USH2A: variants seen among roughly 807,000 people sequenced by gnomAD.
USH2A encodes usherin, also known as Usher syndrome 2A (autosomal recessive, mild).
In USH2A, 443 loss-of-function variants were observed where a neutral mutation model predicts 538.9. That is an observed-to-expected ratio of 0.82 (90% CI 0.76 to 0.89). USH2A has a LOEUF of 0.89. Among genes scored for constraint, USH2A ranks in the 40% least tolerant of loss-of-function variants. The probability of loss-of-function intolerance (pLI) is 0.00; values close to 1 mark genes in which losing one functional copy is unlikely to be tolerated. For synonymous variants in USH2A, 2,413 were observed against 2,273.5 expected (o/e 1.06, Z -1.75); for missense variants, 6,633 against 6,324.8 (o/e 1.05, Z -1.65).
At chr1:216,260,285 C>T (rs1370177792) in intron 11 of USH2A, among the ~76,000 whole-genome samples, 1 of 152,064 alleles carries the variant, frequency 6.6e-6, no homozygotes, top group East Asian at 1.9e-4. Context: ...GAAGTTACAG[C>T]TTGAGTGCTA....
intron 32 of USH2A, among the ~76,000 whole-genome samples, chr1:216,001,362 AG>A (rs921799741): frequency 1.3e-5 from 2 of 152,130 alleles, no homozygotes; most frequent in African/African-American, 2.4e-5. Context: ...CCATGAGACT[AG>A]GGTAGTGCCC....
At chr1:216,236,409 G>A (rs946132955) in intron 13 of USH2A, among the ~76,000 whole-genome samples, 2 of 152,018 alleles carry the variant, frequency 1.3e-5, no homozygotes, top group South Asian at 2.1e-4. Flanking sequence ...TTACATGTGA[G>A]TCAGTTTCCC....
At chr1:216,310,226 C>CT (rs1208424743) in intron 9 of USH2A, among the ~76,000 whole-genome samples, 1 of 151,946 alleles carries the variant, frequency 6.6e-6, no homozygotes, top group Non-Finnish European at 1.5e-5. Flanking sequence ...TTTCTATATA[C>CT]TTTTTACCTT....
chr1:216,117,036 C>A (rs1159260551), intron 21 of USH2A, among the ~76,000 whole-genome samples: 1 of 152,144 alleles, frequency 6.6e-6, no homozygotes, highest in Non-Finnish European at 1.5e-5. Flanking sequence ...TGGCCATTAC[C>A]TCTCTTACCC....
chr1:215,810,065 T>C (rs1373786858), intron 49 of USH2A, among the ~76,000 whole-genome samples: 1 of 152,166 alleles, frequency 6.6e-6, no homozygotes, highest in Non-Finnish European at 1.5e-5. Context: ...TTTCATGAGA[T>C]TGCTTTTTTC....
intron 71 of USH2A, among the ~76,000 whole-genome samples, chr1:215,627,875 C>T (rs959930382): frequency 2.0e-5 from 3 of 152,118 alleles, no homozygotes; most frequent in Admixed American, 6.5e-5. Context: ...GGTACTGCAG[C>T]GGGCATCTAG....
chr1:215,772,971 C>T (rs1661337238), intron 55 of USH2A, among the ~76,000 whole-genome samples: 1 of 152,194 alleles, frequency 6.6e-6, no homozygotes, highest in South Asian at 2.1e-4. Context: ...CACCAGTTCA[C>T]CCAAACTGGA....
At chr1:215,931,999 T>C (rs1199772818) in intron 38 of USH2A, among the ~76,000 whole-genome samples, 2 of 152,002 alleles carry the variant, frequency 1.3e-5, no homozygotes, top group Non-Finnish European at 2.9e-5. Flanking sequence ...CAGGTCATAT[T>C]TGATAGCAAA....
chr1:216,138,809 T>C (rs981745565), intron 21 of USH2A, among the ~76,000 whole-genome samples: 1 of 152,120 alleles, frequency 6.6e-6, no homozygotes, highest in African/African-American at 2.4e-5. Context: ...AAGTCTGCAA[T>C]GGCAAAGAAT....
At chr1:215,663,108 C>T (rs2102654462) in intron 64 of USH2A, among the ~76,000 whole-genome samples, 1 of 152,318 alleles carries the variant, frequency 6.6e-6, no homozygotes, top group South Asian at 2.1e-4. Flanking sequence ...AGGAGTATCA[C>T]ACCTTTAGAG....
intron 38 of USH2A, among the ~76,000 whole-genome samples, chr1:215,919,663 A>C (rs1208037371): frequency 1.3e-5 from 2 of 152,076 alleles, no homozygotes; most frequent in Admixed American, 6.6e-5. Context: ...AGCAACCTAT[A>C]ATTTCATACT....
intron 21 of USH2A, among the ~76,000 whole-genome samples, chr1:216,111,350 T>C (rs905478639): frequency 1.3e-5 from 2 of 152,178 alleles, no homozygotes; most frequent in East Asian, 1.9e-4. Flanking sequence ...GGATGAAAGG[T>C]GTCAGAATCT....
chr1:216,212,171 T>C (rs1035215603), intron 15 of USH2A, among the ~76,000 whole-genome samples: 1 of 152,306 alleles, frequency 6.6e-6, no homozygotes, highest in Non-Finnish European at 1.5e-5. Context: ...AAAATATCCT[T>C]GGCAACAAAA....
chr1:215,650,494 AG>A (rs916351327), intron 65 of USH2A, 97 bp downstream of exon 65: 1 of 1,416,184 alleles, frequency 7.1e-7, no homozygotes, highest in African/African-American at 1.4e-5. Context: ...CAGAAGGATA[AG>A]AAAGATGGAG....
At position 216,198,321 on chromosome 1, in the gene USH2A, C is replaced by G; in HGVS notation, c.4075G>C (p.Glu1359Gln). 6.2e-7 allele frequency: 1 copy of G among 1,613,908 alleles called. No homozygotes were observed. The highest frequency in any genetic ancestry group is 8.5e-7 in the Non-Finnish European group (1 of 1,179,926). ...TTAAAACATTGATCTTTACCTGATT[C>G]TCCCGTTCTTTCTGAGACCCAGGCA... ...SSAWVSERTG[E>Q]SAPVFMIPPS... The change falls in exon 18 of 72, where the codon GAA becomes CAA. Residue 1359 changes from glutamate (E) to glutamine (Q), a missense_variant. Glu to Gln is a conservative substitution (Grantham distance 29). Transcript: ENST00000307340.
chr1:216,137,915 A>G (rs1484949308), intron 21 of USH2A, among the ~76,000 whole-genome samples: 1 of 152,166 alleles, frequency 6.6e-6, no homozygotes, highest in Non-Finnish European at 1.5e-5. Flanking sequence ...CATTTTGCTA[A>G]TATGATTGTT....
At chr1:215,690,404 C>T (rs548547638) in intron 61 of USH2A, among the ~76,000 whole-genome samples, 130 of 152,278 alleles carry the variant, frequency 8.5e-4, no homozygotes, top group South Asian at 7.7e-3. Context: ...CCCACAATTG[C>T]GTAAGGTCTA....
chr1:215,686,445 C>T (rs1312676846), intron 61 of USH2A, among the ~76,000 whole-genome samples: 1 of 151,958 alleles, frequency 6.6e-6, no homozygotes, highest in African/African-American at 2.4e-5. Flanking sequence ...TCTGGAGATA[C>T]CTGGGTGGCA....
Position 215,634,693 on chromosome 1 carries a change from T to G in USH2A, c.15063A>C (p.Leu5021=). ...ATCCCTTCTTTTTCCCAGGAGTTGT[T>G]AGGACCAAGCCTGCAAAACCCAGAG... ...YDTSTGLGLV[L]TTPGKKKGSR... The change falls in exon 70 of 72, where the codon CTA becomes CTC. Residue 5021 remains leucine, a synonymous_variant. Transcript: ENST00000307340. 6.2e-7 allele frequency: 1 copy of G among 1,614,230 alleles called. No homozygotes were observed. The highest frequency in any genetic ancestry group is 8.5e-7 in the Non-Finnish European group (1 of 1,180,032).
Sources: allele counts gnomAD v4.1 joint callset (sites outside exome capture counted in the v4.1 genomes callset), GRCh38; gene constraint gnomAD v4.1.1; transcripts MANE v1.5; gene names NCBI Gene and HGNC (gene_info 2026-07-23, HGNC 2026-07-21).